Variants in AKAP9 observed in about 807,000 individuals in gnomAD.
AKAP9 encodes the protein A-kinase anchor protein 9.
A neutral mutation model predicts 488.5 loss-of-function variants in AKAP9; 311 were observed. The observed-to-expected ratio is 0.64, with a 90% CI of 0.58 to 0.70. AKAP9 has a LOEUF of 0.70. Ranked by LOEUF, AKAP9 falls within the 30% of genes least tolerant of loss-of-function variation. The pLI is 0.00. For missense variants in AKAP9, 4,215 were observed against 4,374.5 expected, an observed-to-expected ratio of 0.96 and a Z score of 1.03; for synonymous variants, 1,462 against 1,483.5, an observed-to-expected ratio of 0.99 and a Z score of 0.33.
chr7:91,992,122 A>C (rs1481650862), intron 3 of AKAP9, 36 bp from the exon 4 acceptor site: 1 of 1,496,880 alleles, frequency 6.7e-7, no homozygotes, highest in South Asian at 1.1e-5. Context: ...AATTATGTCT[A>C]AGATCATAAT....
Position 92,002,920 on chromosome 7 carries a change from T to C in AKAP9, c.3003T>C (p.Ile1001=). The change falls in exon 8 of 50, where the codon ATT becomes ATC. Residue 1001 remains isoleucine (I), a synonymous_variant. Transcript: ENST00000356239. ...GATGTAGAGAGCTAGAAATCATTATTAACCACAACAGGGCAGAAAATGTAC... is the reference window on the plus strand; with the variant it reads ...GATGTAGAGAGCTAGAAATCATTATCAACCACAACAGGGCAGAAAATGTAC... ...SLRCRELEII[I]NHNRAENVQS... is the part of the protein sequence containing the mutation. 1 of 1,611,652 alleles carries C rather than the reference T, an allele frequency of 6.2e-7. No individual in the cohort carries two copies. The highest frequency in any genetic ancestry group is 8.5e-7 in the Non-Finnish European group (1 of 1,179,100).
intron 46 of AKAP9, 148 bp from the exon 47 acceptor site, chr7:92,105,530 C>A: frequency 1.4e-6 from 1 of 704,404 alleles, no homozygotes; most frequent in Non-Finnish European, 2.6e-6. Flanking sequence ...GATTTTGTCA[C>A]AACAGGCATT....
chr7:92,017,570 C>T (rs902497779), intron 12 of AKAP9, among the ~76,000 whole-genome samples: 3 of 152,072 alleles, frequency 2.0e-5, no homozygotes, highest in Non-Finnish European at 4.4e-5. Context: ...TTTATTAACT[C>T]TTATCAGTAA....
intron 28 of AKAP9, among the ~76,000 whole-genome samples, chr7:92,071,246 G>A (rs554188502): frequency 1.3e-5 from 2 of 152,270 alleles, no homozygotes; most frequent in African/African-American, 2.4e-5. Flanking sequence ...GAAGCAGGAC[G>A]AAGTTCGGAG....
chr7:91,945,264 T>C (rs941522129), intron 1 of AKAP9, among the ~76,000 whole-genome samples: 3 of 152,072 alleles, frequency 2.0e-5, no homozygotes, highest in Non-Finnish European at 4.4e-5. Flanking sequence ...CCAAGCACTT[T>C]AGGAGGTTGA....
chr7:91,972,068 T>G (rs1387724250), intron 1 of AKAP9, among the ~76,000 whole-genome samples: 1 of 144,712 alleles, frequency 6.9e-6, no homozygotes, highest in East Asian at 2.0e-4. Context: ...TTAGCCCCAG[T>G]TTGCTTCAGT....
At chr7:92,053,332 A>G (rs1808297919) in intron 22 of AKAP9, among the ~76,000 whole-genome samples, 1 of 152,206 alleles carries the variant, frequency 6.6e-6, no homozygotes, top group South Asian at 2.1e-4. Context: ...ACTACTTGAT[A>G]CCATTGTAAA....
At chr7:91,951,532 C>G (rs937022733) in intron 1 of AKAP9, among the ~76,000 whole-genome samples, 3 of 152,108 alleles carry the variant, frequency 2.0e-5, no homozygotes, top group African/African-American at 4.8e-5. Context: ...GCCATGTTGC[C>G]CAGGCTGGTC....
intron 3 of AKAP9, among the ~76,000 whole-genome samples, chr7:91,989,483 C>G (rs1156284533): frequency 6.6e-6 from 1 of 152,032 alleles, no homozygotes; most frequent in Non-Finnish European, 1.5e-5. Flanking sequence ...TTTTGATACC[C>G]TTTGAGCAGG....
In AKAP9 at chr7:92,002,128, A is replaced by G. The variant is rs772041363; in HGVS notation, c.2211A>G (p.Glu737=). 1.3e-6 allele frequency: 2 copies of G among 1,592,576 alleles called. No individual in the cohort carries two copies. The highest frequency in any genetic ancestry group is 2.7e-5 in the African/African-American group (2 of 73,442). ...EIEILRQEEK[E]KGTLEQEVQE... is the part of the protein sequence containing the mutation. ...AAATACTCAGACAAGAAGAAAAAGA[A>G]AAGGGTACACTTGAACAAGAAGTTC... Residue 737 remains glutamate, a synonymous_variant, in exon 8 of 50, where the codon GAA becomes GAG. Coordinates refer to ENST00000356239, the MANE Select transcript of AKAP9 (RefSeq NM_005751.5).
At chr7:92,089,303 C>T (rs1396012548) in intron 37 of AKAP9, 82 bp from the exon 38 acceptor site, 1 of 1,503,348 alleles carries the variant, frequency 6.7e-7, no homozygotes, top group Non-Finnish European at 9.2e-7. Flanking sequence ...GTGTTCCATT[C>T]ATTCTTCTTT....
chr7:92,004,646 G>A (rs1562965610), intron 8 of AKAP9, among the ~76,000 whole-genome samples: 1 of 152,146 alleles, frequency 6.6e-6, no homozygotes, highest in Admixed American at 6.5e-5. Flanking sequence ...AAGAATGCTT[G>A]TGATTTTTGC....
chr7:91,962,400 G>C (rs529002503), intron 1 of AKAP9, among the ~76,000 whole-genome samples: 3 of 152,256 alleles, frequency 2.0e-5, no homozygotes, highest in African/African-American at 7.2e-5. Flanking sequence ...CATTTAATAA[G>C]TAACTAGAAA....
At chr7:91,999,575 T>C (rs542307334) in intron 7 of AKAP9, among the ~76,000 whole-genome samples, 57 of 152,310 alleles carry the variant, frequency 3.7e-4, no homozygotes, top group African/African-American at 1.2e-3. Flanking sequence ...TAGAAAGTTA[T>C]TTAGTGACCA....
chr7:92,079,217 G>A lies in AKAP9; in HGVS notation c.7084G>A (p.Glu2362Lys), dbSNP rs374724127. 4 of 1,613,858 alleles carry A rather than the reference G, an allele frequency of 2.5e-6. No homozygotes were observed. The highest frequency in any genetic ancestry group is 3.4e-6 in the Non-Finnish European group (4 of 1,179,996). ...LNEVIEKLQQ[E>K]LANIGQKTSM... Reference sequence around the variant, plus strand: ...TGAAGTGATTGAAAAACTTCAACAGGAATTGGCAAATATTGGACAGAAGAC... The same window carrying A: ...TGAAGTGATTGAAAAACTTCAACAGAAATTGGCAAATATTGGACAGAAGAC... Residue 2362 changes from glutamate (E) to lysine (K), a missense_variant, in exon 31 of 50, where the codon GAA becomes AAA. Physicochemically the swap from Glu to Lys is moderately conservative, Grantham distance 56 (BLOSUM62 1). This residue lies in a region of AKAP9 where 1,476 missense variants were observed against 1,477.4 expected (regional missense o/e 1.00). Coordinates refer to ENST00000356239, the MANE Select transcript of AKAP9 (RefSeq NM_005751.5).
intron 1 of AKAP9, among the ~76,000 whole-genome samples, chr7:91,968,179 A>G (rs1450886471): frequency 2.0e-5 from 3 of 152,186 alleles, no homozygotes; most frequent in African/African-American, 7.2e-5. Context: ...CTCAAGCTCA[A>G]GCAATCCACT....
intron 18 of AKAP9, 81 bp from the exon 19 acceptor site, chr7:92,041,965 G>A (rs1584281041): frequency 6.6e-7 from 1 of 1,505,996 alleles, no homozygotes; most frequent in Non-Finnish European, 9.1e-7. Flanking sequence ...GGTCCCGGGG[G>A]TTAAAAGAAA....
intron 22 of AKAP9, among the ~76,000 whole-genome samples, chr7:92,058,982 G>T (rs1028344377): frequency 1.3e-5 from 2 of 151,918 alleles, no homozygotes; most frequent in Non-Finnish European, 2.9e-5. Context: ...AAGGATAAGT[G>T]TTTAGCATAA....
chr7:92,002,167 T>TA lies in AKAP9; in HGVS notation c.2254dup (p.Thr752AsnfsTer14), dbSNP rs1384649866. ...AACAAGAAGTTCAAGAATTACAACT[T>TA]AAAACAGAATTGTTAGAAAAACAGA... On this transcript the variant is annotated frameshift_variant, in exon 8 of 50. Transcript: ENST00000356239. LOFTEE classifies it high-confidence loss of function. The TA allele has an allele frequency of 1.3e-6, 2 of 1,593,682 alleles. No homozygotes were observed. Among genetic ancestry groups the TA allele is most frequent in the Non-Finnish European group, 1.7e-6 (2 of 1,174,344 alleles).
Sources: gnomAD v4.1 joint callset for allele counts (sites outside exome capture counted in the v4.1 genomes callset) on GRCh38, gnomAD v4.1.1 for gene constraint, gnomAD v4.1.1 regional missense constraint, MANE v1.5 for transcripts, NCBI Gene and HGNC (gene_info 2026-07-23, HGNC 2026-07-21) for gene names.